Variants in SORT1 observed in about 807,000 individuals in gnomAD.
The protein encoded by SORT1 is sortilin.
Under a neutral mutation model 101.7 loss-of-function variants are expected in SORT1, and 39 were observed. The observed-to-expected ratio is 0.38, with a 90% CI of 0.30 to 0.50. The LOEUF is 0.50. Ranked by LOEUF, SORT1 falls within the 20% of genes least tolerant of loss-of-function variation. SORT1 has a pLI of 0.90. For missense variants in SORT1, 878 were observed against 1,040.4 expected (o/e 0.84, Z 2.15); for synonymous variants, 396 against 393.7 (o/e 1.01, Z -0.07).
intron 3 of SORT1, among the ~76,000 whole-genome samples, chr1:109,362,727 C>A (rs767442952): frequency 9.2e-5 from 14 of 151,568 alleles, no homozygotes; most frequent in South Asian, 4.2e-4. Flanking sequence ...CTCTGATTGA[C>A]AACTTTACGT....
intron 1 of SORT1, among the ~76,000 whole-genome samples, chr1:109,376,157 C>T (rs1001849085): frequency 6.6e-6 from 1 of 151,916 alleles, no homozygotes; most frequent in African/African-American, 2.4e-5. Context: ...GGTGAAACCC[C>T]GTCTCTACTA....
chr1:109,323,134 C>T lies in SORT1; in HGVS notation c.1835-13G>A. On this transcript the variant is annotated splice_polypyrimidine_tract_variant and intron_variant, in intron 14 of 19. Coordinates refer to ENST00000256637, the MANE Select transcript of SORT1 (RefSeq NM_002959.7). ...TCCTTCTCTTCACCTAAAGGAGAGA[C>T]ACACTGTTCAGGAAAGTACACAGCA... 6.2e-7 allele frequency: 1 copy of T among 1,606,884 alleles called. No homozygotes were observed. The highest frequency in any genetic ancestry group is 1.7e-5 in the Admixed American group (1 of 59,974).
intron 1 of SORT1, among the ~76,000 whole-genome samples, chr1:109,372,602 AAAAAC>A (rs112711805): frequency 1.3e-5 from 2 of 152,110 alleles, no homozygotes; most frequent in Non-Finnish European, 2.9e-5. Context: ...ACAGCTAATA[AAAAAC>A]AAAACAAAAC....
At position 109,336,386 on chromosome 1, in the gene SORT1, A is replaced by T. The variant is rs750385422; in HGVS notation, c.1265-40T>A. 8.7e-6 allele frequency: 11 copies of T among 1,269,678 alleles called. No homozygotes were observed. In the Admixed American group the frequency reaches 1.7e-4, roughly 19 times the overall value. 78.7% of individuals were successfully genotyped at this position (1,269,678 alleles called of 1,614,324 possible). A position where few individuals can be genotyped will look rare whatever the true frequency, so the allele number is the denominator to read the frequency against. On this transcript the variant is annotated intron_variant, in intron 10 of 19. Coordinates refer to ENST00000256637, the MANE Select transcript of SORT1 (RefSeq NM_002959.7). The stretch of plus-strand genomic sequence containing the variant: ...AACAACATTAAGTCTGATACACTGG[A>T]AGTACCTAGGTTAGATTCACTTTAT...
At position 109,342,010 on chromosome 1, in the gene SORT1, T is replaced by A. The variant is rs1454961766; in HGVS notation, c.1108+4A>T. ...TTAAGGGTAAGCCACTAAAAAGCTC[T>A]TACCTCCAGGTTCATCTACATGCAT... is the stretch of plus-strand genomic sequence containing the variant. On this transcript the variant is annotated splice_donor_region_variant and intron_variant, in intron 9 of 19. Transcript: ENST00000256637. 1 of 1,613,116 alleles carries A rather than the reference T, an allele frequency of 6.2e-7. No homozygotes were observed. The highest frequency in any genetic ancestry group is 8.5e-7 in the Non-Finnish European group (1 of 1,179,678).
chr1:109,367,593 G>A, intron 2 of SORT1, 112 bp from the exon 3 acceptor site: 1 of 647,256 alleles, frequency 1.5e-6, no homozygotes, highest in Non-Finnish European at 2.7e-6. Context: ...CTACTTTGTA[G>A]TACTCCCCAA....
intron 1 of SORT1, chr1:109,393,326 C>G (rs1423737831): frequency 2.0e-6 from 2 of 984,612 alleles, no homozygotes; most frequent in Non-Finnish European, 2.4e-6. Flanking sequence ...AGAAAATAAG[C>G]AAGAGTTCCT....
intron 16 of SORT1, among the ~76,000 whole-genome samples, chr1:109,317,518 C>A (rs1157356461): frequency 1.3e-5 from 2 of 152,210 alleles, no homozygotes; most frequent in African/African-American, 4.8e-5. Flanking sequence ...ACGTTCATGG[C>A]GGATGGGACG....
intron 1 of SORT1, among the ~76,000 whole-genome samples, chr1:109,383,954 C>A (rs773234861): frequency 2.0e-5 from 3 of 152,154 alleles, no homozygotes; most frequent in Non-Finnish European, 4.4e-5. Flanking sequence ...CAAAACGCTG[C>A]GTGAAATTGG....
rs1401643913 is a variant in SORT1, at chr1:109,314,700, T to A, written c.2329A>T (p.Ile777Phe). The A allele has an allele frequency of 6.2e-7, 1 of 1,607,416 alleles. No homozygotes were observed. The highest frequency in any genetic ancestry group is 1.1e-5 in the South Asian group (1 of 90,946). The change falls in exon 18 of 20, where the codon ATT becomes TTT. Residue 777 changes from isoleucine to phenylalanine, a missense_variant. Around this residue, in one of 2 missense-constraint regions of SORT1, gnomAD observed 684 missense variants for 894.5 expected, o/e 0.76. Transcript: ENST00000256637. ...CCCCCACAGACATATTTCTTCACAA[T>A]GAGCACTCCTGCTACGACTGTGACC... Reference protein sequence around the residue: ...MLVTVVAGVLIVKKYVCGGRF... With the variant: ...MLVTVVAGVLFVKKYVCGGRF...
At chr1:109,362,085 C>T (rs527873156) in intron 3 of SORT1, among the ~76,000 whole-genome samples, 5 of 152,150 alleles carry the variant, frequency 3.3e-5, no homozygotes, top group African/African-American at 1.2e-4. Flanking sequence ...GGAGGAAATA[C>T]GAGTATATGA....
intron 17 of SORT1, among the ~76,000 whole-genome samples, chr1:109,314,990 C>A (rs1658945221): frequency 6.6e-6 from 1 of 152,156 alleles, no homozygotes. Flanking sequence ...GCTCCAACTG[C>A]CTTGAACCTT....
intron 3 of SORT1, 112 bp downstream of exon 3, chr1:109,367,296 G>T: frequency 3.1e-6 from 2 of 651,582 alleles, no homozygotes; most frequent in South Asian, 2.0e-5. Context: ...AACTTAGGAT[G>T]GCTAGAAGAT....
chr1:109,332,037 CA>C (rs36009375), intron 11 of SORT1, among the ~76,000 whole-genome samples: 110,235 of 132,714 alleles, frequency 0.83, 46,437 homozygotes, highest in East Asian at 0.98. Context: ...TTGAAGATGA[CA>C]AAAAAAAAAA....
In SORT1 at chr1:109,333,831, G is replaced by GT. The variant is rs1317510325; in HGVS notation, c.1371+2408dup. Among the ~76,000 whole-genome samples, 24 of 152,328 alleles carry GT rather than the reference G, an allele frequency of 1.6e-4. No individual in the cohort carries two copies. The East Asian group carries it at 4.4e-3, about 28-fold the overall frequency. Reference sequence around the variant, plus strand: ...ACTGGTACAGCCATTATGCAATACCGTAAGAAATTTTCCTAGAAAATGAAT... The same window carrying GT: ...ACTGGTACAGCCATTATGCAATACCGTTAAGAAATTTTCCTAGAAAATGAAT... On this transcript the variant is annotated intron_variant, in intron 11 of 19. Coordinates refer to ENST00000256637, the MANE Select transcript of SORT1 (RefSeq NM_002959.7).
At chr1:109,355,228 T>C (rs1336066715) in intron 4 of SORT1, 139 bp downstream of exon 4, 2 of 621,692 alleles carry the variant, frequency 3.2e-6, no homozygotes, top group Non-Finnish European at 5.7e-6. Context: ...AAAAATTGTG[T>C]TTAATTTTAA....
intron 7 of SORT1, among the ~76,000 whole-genome samples, chr1:109,346,364 T>G (rs1649597221): frequency 6.6e-6 from 1 of 151,476 alleles, no homozygotes; most frequent in Non-Finnish European, 1.5e-5. Flanking sequence ...CAATTCATAT[T>G]TGTGTTTTAT....
chr1:109,314,448 G>A, intron 18 of SORT1, 64 bp from the exon 19 acceptor site: 1 of 1,577,512 alleles, frequency 6.3e-7, no homozygotes, highest in Non-Finnish European at 8.6e-7. Context: ...TTACAGGACT[G>A]TGGACTTTCT....
intron 1 of SORT1, among the ~76,000 whole-genome samples, chr1:109,386,387 C>G (rs1361641726): frequency 1.3e-5 from 2 of 152,000 alleles, no homozygotes; most frequent in Non-Finnish European, 2.9e-5. Flanking sequence ...TAGAAGAGAA[C>G]AGGAAAAACT....
Sources: allele counts gnomAD v4.1 joint callset (sites outside exome capture counted in the v4.1 genomes callset), GRCh38; gene constraint gnomAD v4.1.1; regional missense constraint gnomAD v4.1.1; transcripts MANE v1.5; gene names NCBI Gene and HGNC (gene_info 2026-07-23, HGNC 2026-07-21).